Variants in C1QBP observed in about 807,000 individuals in gnomAD.
C1QBP encodes the protein complement component 1 Q subcomponent-binding protein, mitochondrial.
Under a neutral mutation model 29.4 loss-of-function variants are expected in C1QBP, and 24 were observed. The observed-to-expected ratio is 0.82, with a 90% CI of 0.59 to 1.15. The LOEUF (loss-of-function observed/expected upper bound fraction) is 1.15. Ranked by LOEUF, C1QBP falls within the 50% of genes most tolerant of loss-of-function variation. C1QBP has a pLI of 0.00. For synonymous variants in C1QBP, 182 were observed against 149.2 expected (o/e 1.22, Z -1.60); for missense variants, 337 against 355.8 (o/e 0.95, Z 0.43).
At chr17:5,434,464 C>CTTTTTTTTTTTT (rs576803401) in intron 3 of C1QBP, among the ~76,000 whole-genome samples, 1 of 97,862 alleles carries the variant, frequency 1.0e-5, no homozygotes, top group Non-Finnish European at 1.9e-5. Context: ...TTCTCTCTCT[C>CTTTTTTTTTTTT]TTTTTTTTTT....
At chr17:5,433,238 C>G in intron 5 of C1QBP, 55 bp downstream of exon 5, 2 of 1,612,812 alleles carry the variant, frequency 1.2e-6, no homozygotes, top group South Asian at 1.1e-5. Context: ...TCCCCTTGAA[C>G]TAGGACCCTT....
intron 2 of C1QBP, among the ~76,000 whole-genome samples, chr17:5,435,613 T>C (rs1377113907): frequency 6.6e-6 from 1 of 152,028 alleles, no homozygotes; most frequent in African/African-American, 2.4e-5. Context: ...AGTGACAATT[T>C]TAAGGTGCAA....
chr17:5,434,462 C>CT (rs1294859290), intron 3 of C1QBP, among the ~76,000 whole-genome samples: 22 of 108,132 alleles, frequency 2.0e-4, no homozygotes, highest in South Asian at 8.7e-4. Flanking sequence ...CATTCTCTCT[C>CT]TCTTTTTTTT....
At chr17:5,433,487 C>T in intron 4 of C1QBP, 72 bp from the exon 5 acceptor site, 1 of 1,592,524 alleles carries the variant, frequency 6.3e-7, no homozygotes, top group South Asian at 1.1e-5. Context: ...GAAAGGGGGC[C>T]ACTGACAGCA....
At chr17:5,437,315 G>C (rs1916299558) in intron 2 of C1QBP, among the ~76,000 whole-genome samples, 1 of 152,146 alleles carries the variant, frequency 6.6e-6, no homozygotes, top group South Asian at 2.1e-4. Flanking sequence ...CACATCATAA[G>C]GTCAATTATG....
Position 5,432,888 on chromosome 17 carries a change from A to G in C1QBP, c.*127T>C. On this transcript the variant is annotated 3_prime_UTR_variant, in exon 6 of 6. Transcript: ENST00000225698. ...TGAGAACACAAAACATATAATTTAA[A>G]TTTGGTATTTTTTCCCCCATGATAT... is the stretch of plus-strand genomic sequence containing the variant. The G allele has an allele frequency of 7.1e-6, 8 of 1,130,694 alleles. No homozygotes were observed. Among genetic ancestry groups the G allele is most frequent in the Non-Finnish European group, 9.8e-6 (8 of 816,290 alleles). 70.0% of individuals were successfully genotyped at this position (1,130,694 alleles called of 1,614,324 possible).
chr17:5,436,755 C>T (rs549061347), intron 2 of C1QBP, among the ~76,000 whole-genome samples: 1 of 152,110 alleles, frequency 6.6e-6, no homozygotes, highest in South Asian at 2.1e-4. Flanking sequence ...CAGGGTGGCT[C>T]ACACCTGAAA....
rs370491071 is a variant in C1QBP, at chr17:5,433,312, T to G, written c.680A>C (p.Asn227Thr). The change falls in exon 5 of 6, where the codon AAC becomes ACC. Residue 227 changes from asparagine to threonine, a missense_variant. By Grantham distance (65) the Asn-to-Thr change is moderately conservative. Coordinates refer to ENST00000225698, the MANE Select transcript of C1QBP (RefSeq NM_001212.4). ...ACTCACCCAGTCCAAGGAATCTGTGTTGAGTGTATAATTAGTATCCTTCCA... is the reference window on the plus strand; with the variant it reads ...ACTCACCCAGTCCAAGGAATCTGTGGTGAGTGTATAATTAGTATCCTTCCA... ...SEWKDTNYTL[N>T]TDSLDWALYD... 4 of 1,614,014 alleles carry G rather than the reference T, an allele frequency of 2.5e-6. No homozygotes were observed. The highest frequency in any genetic ancestry group is 3.4e-6 in the Non-Finnish European group (4 of 1,180,032).
rs1207987088 is a variant in C1QBP at position 5,439,098 on chromosome 17, C to CAG, written c.-27_-26dup. ...TCGCGGAAACGACTGCGAACACGTG[C>CAG]AGATGCAAAGGACAACCCAGGCCTA... On this transcript the variant is annotated 5_prime_UTR_variant, in exon 1 of 6. Coordinates refer to ENST00000225698, the MANE Select transcript of C1QBP (RefSeq NM_001212.4). The CAG allele has an allele frequency of 1.3e-6, 2 of 1,540,332 alleles. No individual in the cohort carries two copies. Among genetic ancestry groups the CAG allele is most frequent in the Admixed American group, 3.9e-5 (2 of 50,706 alleles).
At position 5,433,405 on chromosome 17, in the gene C1QBP, T is replaced by C. The variant is rs756934964; in HGVS notation, c.587A>G (p.Glu196Gly). ...CHYPEDEVGQ[E>G]DEAESDIFSI... ...GAAGATGTCACTCTCAGCCTCGTCT[T>C]CTTGTCCAACCTGAGAAGAAACAAT... The change falls in exon 5 of 6, where the codon GAA becomes GGA. Residue 196 changes from glutamate to glycine, a missense_variant. By Grantham distance (98) the Glu-to-Gly change is moderately conservative (BLOSUM62 -2). Transcript: ENST00000225698. 6.2e-7 allele frequency: 1 copy of C among 1,614,098 alleles called. No individual in the cohort carries two copies. Among genetic ancestry groups the C allele is most frequent in the Admixed American group, 1.7e-5 (1 of 60,010 alleles).
At chr17:5,437,498 G>A (rs76545657) in intron 2 of C1QBP, among the ~76,000 whole-genome samples, 7 of 152,220 alleles carry the variant, frequency 4.6e-5, no homozygotes, top group Admixed American at 2.6e-4. Flanking sequence ...CACCATACCC[G>A]GTTAATTTTT....
At position 5,433,755 on chromosome 17, in the gene C1QBP, A is replaced by G; in HGVS notation, c.490T>C (p.Ser164Pro). The change falls in exon 4 of 6, where the codon TCA becomes CCA. Residue 164 changes from serine (S) to proline (P), a missense_variant. Transcript: ENST00000225698. Reference sequence around the variant, plus strand: ...ACTTCAACCACGAAATTGGGAGTTGATGTCAGTTCAGGCTGGGGAAACAAG... The same window carrying G: ...ACTTCAACCACGAAATTGGGAGTTGGTGTCAGTTCAGGCTGGGGAAACAAG... ...KVEEQEPELT[S>P]TPNFVVEVIK... The G allele has an allele frequency of 6.2e-7, 1 of 1,614,200 alleles. No individual in the cohort carries two copies. Among genetic ancestry groups the G allele is most frequent in the African/African-American group, 1.3e-5 (1 of 75,060 alleles).
Position 5,434,875 on chromosome 17 carries a change from C to G in C1QBP, c.475G>C (p.Glu159Gln). The G allele has an allele frequency of 6.2e-7, 1 of 1,611,642 alleles. No individual in the cohort carries two copies. Among genetic ancestry groups the G allele is most frequent in the Non-Finnish European group, 8.5e-7 (1 of 1,177,736 alleles). The part of the protein sequence containing the change: ...PSQGQKVEEQ[E>Q]PELTSTPNFV... ...AGCTGATTATAGTATTAGCTTACCT[C>G]CTGTTCTTCAACCTTCTGCCCTTGC... The change falls in exon 3 of 6, where the codon GAG becomes CAG. Residue 159 changes from glutamate (E) to glutamine (Q), a missense_variant and splice_region_variant. Coordinates refer to ENST00000225698, the MANE Select transcript of C1QBP (RefSeq NM_001212.4).
chr17:5,437,980 T>C, intron 2 of C1QBP, 143 bp downstream of exon 2: 1 of 1,173,676 alleles, frequency 8.5e-7, no homozygotes, highest in Non-Finnish European at 1.1e-6. Context: ...CTTACGAAGT[T>C]GTCCAAATGA....
chr17:5,438,248 C>T lies in C1QBP; in HGVS notation c.258G>A (p.Leu86=), dbSNP rs1489290397. The change falls in exon 2 of 6, where the codon CTG becomes CTA. Residue 86 remains leucine, a synonymous_variant. Transcript: ENST00000225698. The part of the protein sequence containing the change: ...TDGDKAFVDF[L]SDEIKEERKI... ...TTCTTTCCTCCTTAATTTCATCACT[C>T]AGGAAATCAACAAAAGCTTTGTCTC... 8.1e-6 allele frequency: 13 copies of T among 1,613,982 alleles called. No homozygotes were observed. The highest frequency in any genetic ancestry group is 9.3e-6 in the Non-Finnish European group (11 of 1,179,998).
intron 3 of C1QBP, 175 bp from the exon 4 acceptor site, chr17:5,433,942 C>G: frequency 3.1e-6 from 2 of 636,912 alleles, no homozygotes; most frequent in Non-Finnish European, 5.5e-6. Context: ...TCTGTTGGCA[C>G]CCTGCTTGGT....
Position 5,437,988 on chromosome 17 carries a change from T to A in C1QBP, c.383+135A>T, listed in dbSNP as rs912155964. ...CCTGGGGCTTACGAAGTTGTCCAAA[T>A]GAATCCTTCACTCTCTTGAAACCCA... On this transcript the variant is annotated intron_variant, in intron 2 of 5. Coordinates refer to ENST00000225698, the MANE Select transcript of C1QBP (RefSeq NM_001212.4). The A allele has an allele frequency of 1.1e-5, 14 of 1,242,822 alleles. 1 individual carries two copies. The Admixed American group carries it at 3.6e-4, about 32-fold the overall frequency. 77.0% of individuals were successfully genotyped at this position (1,242,822 alleles called of 1,614,324 possible).
intron 2 of C1QBP, 21 bp downstream of exon 2, chr17:5,438,102 G>A: frequency 6.2e-7 from 1 of 1,607,884 alleles, no homozygotes. Context: ...GCTGCCCTGG[G>A]ATCCCCAGAC....
Position 5,433,427 on chromosome 17 carries a change from C to T in C1QBP, c.577-12G>A. The stretch of plus-strand genomic sequence containing the variant: ...TCTTCTTGTCCAACCTGAGAAGAAA[C>T]AATATTGGGAAACTGAAGGGTTCTC... On this transcript the variant is annotated splice_polypyrimidine_tract_variant and intron_variant, in intron 4 of 5. Transcript: ENST00000225698. 1 of 1,614,068 alleles carries T rather than the reference C, an allele frequency of 6.2e-7. No individual in the cohort carries two copies. The highest frequency in any genetic ancestry group is 8.5e-7 in the Non-Finnish European group (1 of 1,180,012).
Sources: gnomAD v4.1 joint callset for allele counts (sites outside exome capture counted in the v4.1 genomes callset) on GRCh38, gnomAD v4.1.1 for gene constraint, MANE v1.5 for transcripts, NCBI Gene and HGNC (gene_info 2026-07-23, HGNC 2026-07-21) for gene names.